Variants in GNG12 observed in about 807,000 individuals in gnomAD.
GNG12 encodes the protein guanine nucleotide-binding protein G(I)/G(S)/G(O) subunit gamma-12.
For synonymous variants in GNG12, 28 were observed against 29.7 expected (o/e 0.94, Z 0.19); for missense variants, 69 against 83.8 (o/e 0.82, Z 0.69).
intron 1 of GNG12, among the ~76,000 whole-genome samples, chr1:67,797,719 T>A (rs1646840349): frequency 6.6e-6 from 1 of 152,128 alleles, no homozygotes; most frequent in African/African-American, 2.4e-5. Context: ...GAAAATAGGA[T>A]GGGAAATGGA....
intron 1 of GNG12, among the ~76,000 whole-genome samples, chr1:67,778,741 T>G (rs749550431): frequency 6.6e-6 from 1 of 152,170 alleles, no homozygotes; most frequent in Non-Finnish European, 1.5e-5. Flanking sequence ...CTAAGTCGTT[T>G]GCCTCCAGAG....
At chr1:67,797,853 C>T (rs772179217) in intron 1 of GNG12, among the ~76,000 whole-genome samples, 2 of 152,248 alleles carry the variant, frequency 1.3e-5, no homozygotes, top group East Asian at 3.9e-4. Flanking sequence ...GTGACTGCAC[C>T]GGCCAGGCTT....
At chr1:67,750,032 A>T (rs1052788756) in intron 2 of GNG12, among the ~76,000 whole-genome samples, 2 of 152,210 alleles carry the variant, frequency 1.3e-5, no homozygotes, top group African/African-American at 4.8e-5. Context: ...TCAGAACTGA[A>T]ACTCTGGGTA....
At position 67,704,188 on chromosome 1, in the gene GNG12, G is replaced by A. The variant is rs1035782417; in HGVS notation, c.*1263C>T. ...CCATATCCAGCTGCTAAAGCCCTTG[G>A]GCCCAAGGAGTGTACCACTGAATCC... is the stretch of plus-strand genomic sequence containing the variant. On this transcript the variant is annotated 3_prime_UTR_variant, in exon 4 of 4. Coordinates refer to ENST00000370982, the MANE Select transcript of GNG12 (RefSeq NM_018841.6). 6.6e-6 allele frequency: 1 copy of A among 152,216 alleles called. No individual in the cohort carries two copies. The highest frequency in any genetic ancestry group is 2.4e-5 in the African/African-American group (1 of 41,440). The allele number at this position is 152,216 out of a possible 1,614,324, so 9.4% of individuals were successfully genotyped here.
chr1:67,722,052 C>T (rs980630285), intron 2 of GNG12, among the ~76,000 whole-genome samples: 27 of 152,210 alleles, frequency 1.8e-4, no homozygotes, highest in African/African-American at 5.1e-4. Context: ...ATCTGACCCA[C>T]ATTAAGAAGA....
chr1:67,768,779 T>C (rs1646655821), intron 2 of GNG12, among the ~76,000 whole-genome samples: 1 of 152,224 alleles, frequency 6.6e-6, no homozygotes, highest in Admixed American at 6.5e-5. Flanking sequence ...ACTAAGCCAC[T>C]TCCCTACTAT....
At chr1:67,754,389 C>A (rs1646556090) in intron 2 of GNG12, among the ~76,000 whole-genome samples, 1 of 152,168 alleles carries the variant, frequency 6.6e-6, no homozygotes, top group Non-Finnish European at 1.5e-5. Flanking sequence ...AGCCAGACAC[C>A]CCAGAGTCGT....
chr1:67,828,347 G>A (rs1388124319), intron 1 of GNG12, among the ~76,000 whole-genome samples: 1 of 152,144 alleles, frequency 6.6e-6, no homozygotes. Context: ...AAGCAAAACT[G>A]ACTCCATAAA....
At chr1:67,771,625 C>T (rs1448734709) in intron 2 of GNG12, among the ~76,000 whole-genome samples, 1 of 152,196 alleles carries the variant, frequency 6.6e-6, no homozygotes, top group Non-Finnish European at 1.5e-5. Flanking sequence ...CTGTACAACA[C>T]TCTGATTTTA....
intron 3 of GNG12, among the ~76,000 whole-genome samples, chr1:67,706,404 C>T (rs1221629174): frequency 6.6e-6 from 1 of 152,200 alleles, no homozygotes; most frequent in Non-Finnish European, 1.5e-5. Context: ...AAAAGAGAGA[C>T]GAAACCAGCA....
chr1:67,767,731 A>T (rs1646649540), intron 2 of GNG12, among the ~76,000 whole-genome samples: 1 of 152,242 alleles, frequency 6.6e-6, no homozygotes, highest in South Asian at 2.1e-4. Context: ...ACTTACCTAA[A>T]TCTTAACAAT....
intron 1 of GNG12, among the ~76,000 whole-genome samples, chr1:67,825,534 G>A (rs1647006280): frequency 6.6e-6 from 1 of 152,170 alleles, no homozygotes; most frequent in Non-Finnish European, 1.5e-5. Context: ...AAAAAAGCAA[G>A]AAAGTAGTAC....
At chr1:67,778,385 T>C (rs1646718460) in intron 1 of GNG12, among the ~76,000 whole-genome samples, 1 of 152,174 alleles carries the variant, frequency 6.6e-6, no homozygotes, top group East Asian at 1.9e-4. Context: ...AGCACAGGTC[T>C]AGGGAACCTA....
intron 2 of GNG12, among the ~76,000 whole-genome samples, chr1:67,760,604 T>G (rs1646597502): frequency 2.0e-5 from 3 of 152,174 alleles, no homozygotes; most frequent in Admixed American, 2.0e-4. Flanking sequence ...GCGACTTGCC[T>G]AAAGTCAAAG....
chr1:67,804,669 C>A lies in GNG12; in HGVS notation c.-76-27162G>T, dbSNP rs981204585. Among the ~76,000 whole-genome samples, 83 of 151,964 alleles carry A rather than the reference C, an allele frequency of 5.5e-4. 1 individual carries two copies. The highest frequency in any genetic ancestry group is 2.1e-4 in the South Asian group (1 of 4,830). On this transcript the variant is annotated intron_variant, in intron 1 of 3. Coordinates refer to ENST00000370982, the MANE Select transcript of GNG12 (RefSeq NM_018841.6). ...CTGCCCCAAAAGTTGGAGAGATAGG[C>A]AGGTAGACACAGAAAATCATAGTAT...
At chr1:67,750,059 C>A (rs1476399988) in intron 2 of GNG12, among the ~76,000 whole-genome samples, 1 of 152,198 alleles carries the variant, frequency 6.6e-6, no homozygotes, top group African/African-American at 2.4e-5. Context: ...GTACCCACTG[C>A]CCAGCCTGCC....
chr1:67,752,750 G>A (rs1435417289), intron 2 of GNG12, among the ~76,000 whole-genome samples: 1 of 152,278 alleles, frequency 6.6e-6, no homozygotes, highest in East Asian at 1.9e-4. Flanking sequence ...AGTTGACTAA[G>A]GTATCATTAC....
At chr1:67,802,339 G>A (rs769413985) in intron 1 of GNG12, among the ~76,000 whole-genome samples, 7 of 152,128 alleles carry the variant, frequency 4.6e-5, no homozygotes, top group Non-Finnish European at 7.4e-5. Flanking sequence ...AACAGGATCT[G>A]AGAGACAAAA....
At chr1:67,815,032 T>C (rs1453101813) in intron 1 of GNG12, among the ~76,000 whole-genome samples, 1 of 152,196 alleles carries the variant, frequency 6.6e-6, no homozygotes, top group Non-Finnish European at 1.5e-5. Context: ...TTTGTGGCCA[T>C]TCCCAAAGGA....
Sources: allele counts gnomAD v4.1 joint callset (sites outside exome capture counted in the v4.1 genomes callset), GRCh38; gene constraint gnomAD v4.1.1; transcripts MANE v1.5; gene names NCBI Gene and HGNC (gene_info 2026-07-23, HGNC 2026-07-21).